Variants in MCC observed in about 807,000 individuals in gnomAD.
The protein encoded by MCC is colorectal mutant cancer protein.
Under a neutral mutation model 116.2 loss-of-function variants are expected in MCC, and 90 were observed. That is an observed-to-expected ratio of 0.77 (90% confidence interval 0.65 to 0.92). The LOEUF is 0.92. MCC is among the 40% of genes least tolerant of loss of function. The pLI, the probability that MCC is intolerant of heterozygous loss-of-function variation, is 0.00. For missense variants in MCC, 1,516 were observed against 1,312.2 expected, an observed-to-expected ratio of 1.16 and a Z score of -2.40; for synonymous variants, 578 against 510.5, an observed-to-expected ratio of 1.13 and a Z score of -1.78.
chr5:113,427,938 T>C (rs574783591), intron 1 of MCC, among the ~76,000 whole-genome samples: 4 of 152,288 alleles, frequency 2.6e-5, no homozygotes, highest in African/African-American at 4.8e-5. Flanking sequence ...AGGAAGGTTA[T>C]AGAAACCACA....
intron 2 of MCC, among the ~76,000 whole-genome samples, chr5:113,347,496 T>A (rs1768163790): frequency 6.6e-6 from 1 of 151,982 alleles, no homozygotes; most frequent in African/African-American, 2.4e-5. Context: ...ACTTAAAGTA[T>A]AATAAAACAA....
chr5:113,377,421 G>A (rs1769015212), intron 2 of MCC, among the ~76,000 whole-genome samples: 1 of 152,110 alleles, frequency 6.6e-6, no homozygotes, highest in South Asian at 2.1e-4. Context: ...ACATCCAAAA[G>A]CATCCAGAGG....
At chr5:113,461,492 C>A (rs965393191) in intron 1 of MCC, among the ~76,000 whole-genome samples, 4 of 151,576 alleles carry the variant, frequency 2.6e-5, no homozygotes, top group African/African-American at 9.7e-5. Context: ...TGCTGCCTAC[C>A]CCTTGGACAC....
rs115761809 is a variant in MCC, at chr5:113,160,782, G to A, written c.628-9360C>T. On this transcript the variant is annotated intron_variant, in intron 3 of 18. Transcript: ENST00000408903. ...AAAACTTTAAACATTTTGAGAAATA[G>A]AAGACCATTCAGCTGGTATCAGACC... Among the ~76,000 whole-genome samples the A allele has an allele frequency of 6.6e-3, 1,000 of 152,326 alleles. 4 individuals carry two copies. Among genetic ancestry groups the A allele is most frequent in the Non-Finnish European group, 0.011 (716 of 68,026 alleles).
intron 1 of MCC, among the ~76,000 whole-genome samples, chr5:113,441,152 T>A (rs954187968): frequency 6.6e-6 from 1 of 152,132 alleles, no homozygotes; most frequent in Non-Finnish European, 1.5e-5. Context: ...CTGGCCAACA[T>A]GGTGAAACCC....
intron 3 of MCC, among the ~76,000 whole-genome samples, chr5:113,194,110 T>A (rs1170862069): frequency 6.6e-6 from 1 of 152,100 alleles, no homozygotes; most frequent in African/African-American, 2.4e-5. Flanking sequence ...TCTAAGCTTA[T>A]AAAGTAACAT....
chr5:113,430,854 G>T (rs1770618387), intron 1 of MCC, among the ~76,000 whole-genome samples: 2 of 152,156 alleles, frequency 1.3e-5, no homozygotes, highest in Admixed American at 6.5e-5. Flanking sequence ...CTGGGTTACA[G>T]GAATAAGCTT....
chr5:113,188,045 T>C (rs1405743468), intron 3 of MCC, among the ~76,000 whole-genome samples: 1 of 152,218 alleles, frequency 6.6e-6, no homozygotes, highest in East Asian at 1.9e-4. Context: ...AAGCCATAAA[T>C]GAGCCTCTCT....
chr5:113,043,496 T>A (rs1270797448), intron 17 of MCC, 34 bp downstream of exon 17: 10 of 1,578,228 alleles, frequency 6.3e-6, no homozygotes, highest in Non-Finnish European at 8.7e-6. Flanking sequence ...ATGCCCAGGA[T>A]AAACACCAGC....
intron 3 of MCC, among the ~76,000 whole-genome samples, chr5:113,301,980 C>A (rs1211171177): frequency 2.0e-5 from 3 of 152,156 alleles, no homozygotes; most frequent in Non-Finnish European, 2.9e-5. Flanking sequence ...AAAGGTAAAT[C>A]TATGTCTTCA....
rs753298492 is a variant in MCC, at chr5:113,151,304, C to T, written c.741+5G>A. 7.6e-6 allele frequency: 12 copies of T among 1,588,940 alleles called. No individual in the cohort carries two copies. The highest frequency in any genetic ancestry group is 1.0e-5 in the Non-Finnish European group (12 of 1,159,676). ...GCAAACTAAAAACCTTTCCAGATCC[C>T]TTACCTGTGCCTTGGCCAATTTCTT... On this transcript the variant is annotated splice_donor_5th_base_variant and intron_variant, in intron 4 of 18. Transcript: ENST00000408903.
intron 1 of MCC, among the ~76,000 whole-genome samples, chr5:113,395,530 C>A (rs181512550): frequency 6.6e-6 from 1 of 152,154 alleles, no homozygotes; most frequent in Admixed American, 6.5e-5. Context: ...GAGCACCAGG[C>A]GTATATGTAA....
At chr5:113,480,071 A>T (rs1292496007) in intron 1 of MCC, among the ~76,000 whole-genome samples, 1 of 152,202 alleles carries the variant, frequency 6.6e-6, no homozygotes, top group African/African-American at 2.4e-5. Flanking sequence ...AAGTTAGATG[A>T]CTTTTCTCTC....
At chr5:113,039,586 G>A (rs1428516746) in intron 17 of MCC, among the ~76,000 whole-genome samples, 2 of 152,118 alleles carry the variant, frequency 1.3e-5, no homozygotes, top group Non-Finnish European at 1.5e-5. Flanking sequence ...CGGCAAGCAA[G>A]CCCAATGCTG....
At chr5:113,187,010 T>C in intron 3 of MCC, among the ~76,000 whole-genome samples, 1 of 152,190 alleles carries the variant, frequency 6.6e-6, no homozygotes, top group East Asian at 1.9e-4. Context: ...TTAGCAGAAA[T>C]CCTACTTTAG....
At chr5:113,452,097 C>T (rs879273689) in intron 1 of MCC, among the ~76,000 whole-genome samples, 1 of 152,192 alleles carries the variant, frequency 6.6e-6, no homozygotes, top group Non-Finnish European at 1.5e-5. Context: ...ATAGCCTAGA[C>T]TTAATATGAC....
chr5:113,118,780 G>C (rs910860032), intron 6 of MCC, among the ~76,000 whole-genome samples: 1 of 152,150 alleles, frequency 6.6e-6, no homozygotes, highest in Non-Finnish European at 1.5e-5. Flanking sequence ...AATAAGAAGA[G>C]GGAGACAGCC....
At chr5:113,385,375 C>T (rs1769229598) in intron 1 of MCC, among the ~76,000 whole-genome samples, 163 bp from the exon 2 acceptor site, 1 of 152,052 alleles carries the variant, frequency 6.6e-6, no homozygotes, top group East Asian at 1.9e-4. Flanking sequence ...ATGAAAAAAA[C>T]GTGTTCCATT....
At chr5:113,477,327 C>G (rs1772258147) in intron 1 of MCC, among the ~76,000 whole-genome samples, 1 of 152,080 alleles carries the variant, frequency 6.6e-6, no homozygotes, top group Non-Finnish European at 1.5e-5. Context: ...CAGGGTGCTT[C>G]CAAATAGGCA....
Sources: gnomAD v4.1 joint callset for allele counts (sites outside exome capture counted in the v4.1 genomes callset) on GRCh38, gnomAD v4.1.1 for gene constraint, MANE v1.5 for transcripts, NCBI Gene and HGNC (gene_info 2026-07-23, HGNC 2026-07-21) for gene names.